Variants in WNK1 observed in about 807,000 individuals in gnomAD.
The protein encoded by WNK1 is WNK lysine deficient protein kinase 1, also known as serine/threonine-protein kinase WNK1.
A neutral mutation model predicts 222.8 loss-of-function variants in WNK1; 38 were observed. The ratio of observed to expected loss-of-function variants is 0.17; its 90% CI spans 0.13 to 0.22. The LOEUF (loss-of-function observed/expected upper bound fraction) is 0.22. WNK1 is among the 10% of genes least tolerant of loss of function. The probability of loss-of-function intolerance (pLI) is 1.00; values close to 1 mark genes in which losing one functional copy is unlikely to be tolerated. For missense variants in WNK1, 2,348 were observed against 2,918.4 expected (o/e 0.80, Z 4.50); for synonymous variants, 1,090 against 1,092.9 (o/e 1.00, Z 0.05).
chr12:787,831 T>TTG (rs141102264), intron 1 of WNK1, among the ~76,000 whole-genome samples: 1 of 152,010 alleles, frequency 6.6e-6, no homozygotes, highest in Non-Finnish European at 1.5e-5. Flanking sequence ...ATGCTTTACA[T>TTG]TGTGTGTGTG....
Position 859,370 on chromosome 12 carries a change from T to C in WNK1, c.1526T>C (p.Ile509Thr), listed in dbSNP as rs34728563. Residue 509 changes from isoleucine to threonine, a missense_variant, in exon 6 of 28, where the codon ATT becomes ACT. Physicochemically the swap from Ile to Thr is moderately conservative, Grantham distance 89. Transcript: ENST00000315939. ...AIKLWLRIED[I>T]KKLKGKYKDN... Reference sequence around the variant, plus strand: ...AAATTATGGCTACGTATTGAAGATATTAAGAAATTAAAGGGAAAATACAAA... The same window carrying C: ...AAATTATGGCTACGTATTGAAGATACTAAGAAATTAAAGGGAAAATACAAA... The C allele has an allele frequency of 2.9e-3, 4,756 of 1,612,272 alleles. 100 individuals carry two copies. The African/African-American group carries it at 0.052, about 18-fold the overall frequency.
chr12:775,319 A>G (rs1363878996), intron 1 of WNK1, among the ~76,000 whole-genome samples: 1 of 152,222 alleles, frequency 6.6e-6, no homozygotes, highest in East Asian at 1.9e-4. Context: ...CTTATCAAGT[A>G]ATAGTCTTTC....
intron 1 of WNK1, among the ~76,000 whole-genome samples, chr12:756,040 A>G (rs915724271): frequency 2.7e-4 from 41 of 152,358 alleles, no homozygotes; most frequent in African/African-American, 9.1e-4. Context: ...ACAGGCAGAA[A>G]TTTACAGGTA....
At chr12:907,510 A>G (rs956779094) in intron 26 of WNK1, among the ~76,000 whole-genome samples, 1 of 152,156 alleles carries the variant, frequency 6.6e-6, no homozygotes, top group Non-Finnish European at 1.5e-5. Flanking sequence ...TCACACCTCC[A>G]TCAGCAACGT....
intron 2 of WNK1, among the ~76,000 whole-genome samples, chr12:822,169 C>G (rs949905001): frequency 7.1e-6 from 1 of 141,506 alleles, no homozygotes; most frequent in Non-Finnish European, 1.5e-5. Flanking sequence ...TCTCAGCTCA[C>G]TGCAACCCCC....
At chr12:893,789 C>T (rs1954492333) in intron 22 of WNK1, among the ~76,000 whole-genome samples, 1 of 137,228 alleles carries the variant, frequency 7.3e-6, no homozygotes, top group Admixed American at 7.6e-5. Flanking sequence ...CACCACTGCA[C>T]TGCAACCTGG....
chr12:889,217 G>A lies in WNK1; in HGVS notation c.5442G>A (p.Ala1814=), dbSNP rs557930357. Residue 1814 remains alanine, a synonymous_variant, in exon 21 of 28, where the codon GCG becomes GCA. Coordinates refer to ENST00000315939, the MANE Select transcript of WNK1 (RefSeq NM_018979.4). The stretch of plus-strand genomic sequence containing the variant: ...CAGAGATGATCACAGTGACTTCTGC[G>A]GTTGGTGTAAGTTTTGAAAATCTTG... ...LSPEMITVTS[A]VGPVSMAAPT... 27 of 1,613,764 alleles carry A rather than the reference G, an allele frequency of 1.7e-5. No homozygotes were observed. Among genetic ancestry groups the A allele is most frequent in the African/African-American group, 1.5e-4 (11 of 74,996 alleles).
At chr12:882,264 T>A in intron 14 of WNK1, among the ~76,000 whole-genome samples, 191 bp downstream of exon 14, 1 of 152,120 alleles carries the variant, frequency 6.6e-6, no homozygotes, top group Admixed American at 6.5e-5. Flanking sequence ...TGGCATGATC[T>A]CTTCTCACTG....
In WNK1 at chr12:885,649, G is replaced by C; in HGVS notation, c.4845G>C (p.Gln1615His). 1 of 1,614,146 alleles carries C rather than the reference G, an allele frequency of 6.2e-7. No individual in the cohort carries two copies. Among genetic ancestry groups the C allele is most frequent in the South Asian group, 1.1e-5 (1 of 91,078 alleles). ...QPVANVPAVQ[Q>H]TLIHSQPQPA... ...TTGCCAATGTGCCTGCTGTACAGCA[G>C]ACACTAATTCATAGTCAGCCTCAAC... The change falls in exon 19 of 28, where the codon CAG (glutamine) becomes CAC (histidine). Residue 1615 changes from glutamine to histidine, a missense_variant. Gln to His is a conservative substitution (Grantham distance 24). This residue lies in a region of WNK1 where 1,144 missense variants were observed against 1,273.6 expected (regional missense o/e 0.90). Coordinates refer to ENST00000315939, the MANE Select transcript of WNK1 (RefSeq NM_018979.4).
rs745722721 is a variant in WNK1, at chr12:885,196, T to C, written c.4392T>C (p.Thr1464=). Residue 1464 remains threonine, a synonymous_variant, in exon 19 of 28, where the codon ACT becomes ACC. Coordinates refer to ENST00000315939, the MANE Select transcript of WNK1 (RefSeq NM_018979.4). ...SATSASAGGS[T]ATPGPKPPAV... Reference sequence around the variant, plus strand: ...CTTCAGCCTCTGCAGGGGGCAGTACTGCTACCCCAGGTCCTAAGCCTCCAG... The same window carrying C: ...CTTCAGCCTCTGCAGGGGGCAGTACCGCTACCCCAGGTCCTAAGCCTCCAG... 5 of 1,614,196 alleles carry C rather than the reference T, an allele frequency of 3.1e-6. No homozygotes were observed. In the Admixed American group the frequency reaches 6.7e-5, roughly 22 times the overall value.
intron 6 of WNK1, among the ~76,000 whole-genome samples, chr12:859,998 G>C (rs1176916305): frequency 6.6e-6 from 1 of 152,086 alleles, no homozygotes; most frequent in Non-Finnish European, 1.5e-5. Flanking sequence ...GTACAGGTGT[G>C]AGCCACTTCG....
intron 1 of WNK1, among the ~76,000 whole-genome samples, chr12:769,399 T>C (rs906116885): frequency 6.6e-6 from 1 of 152,144 alleles, no homozygotes; most frequent in Non-Finnish European, 1.5e-5. Flanking sequence ...GGTTTTGCCA[T>C]GTTGGCCAGG....
In WNK1 at chr12:753,784, C is replaced by T; in HGVS notation, c.219C>T (p.Thr73=). 6.2e-7 allele frequency: 1 copy of T among 1,612,596 alleles called. No homozygotes were observed. The highest frequency in any genetic ancestry group is 8.5e-7 in the Non-Finnish European group (1 of 1,179,958). The change falls in exon 1 of 28, where the codon ACC becomes ACT. Residue 73 remains threonine, a synonymous_variant. Coordinates refer to ENST00000315939, the MANE Select transcript of WNK1 (RefSeq NM_018979.4). This position sits in a 1 kb window ranked among gnomAD's most constrained non-coding sequence, Gnocchi z 5.2. ...KDSRGAAATT[T]TTEHRFFRRS... ...GCCGTGGGGCGGCCGCGACCACTAC[C>T]ACCACTGAGCACCGCTTCTTCCGCC... is the stretch of plus-strand genomic sequence containing the variant.
chr12:868,826 G>A (rs762461472), intron 8 of WNK1: 3 of 1,613,910 alleles, frequency 1.9e-6, no homozygotes, highest in East Asian at 2.2e-5. Flanking sequence ...GACCGTTTCT[G>A]TGGTAGAGCC....
At chr12:906,726 C>T in intron 26 of WNK1, 1 of 985,266 alleles carries the variant, frequency 1.0e-6, no homozygotes, top group Non-Finnish European at 1.2e-6. Flanking sequence ...TGCTACTTCT[C>T]TTATTACCTC....
intron 9 of WNK1, among the ~76,000 whole-genome samples, chr12:876,638 C>G (rs570188606): frequency 6.6e-6 from 1 of 152,020 alleles, no homozygotes; most frequent in African/African-American, 2.4e-5. Context: ...CAGCAGTAAC[C>G]AATTAGTCGT....
chr12:883,420 TAGAG>T lies in WNK1; in HGVS notation c.3522_3525del (p.Arg1174SerfsTer66). 6.2e-7 allele frequency: 1 copy of T among 1,613,996 alleles called. No individual in the cohort carries two copies. Among genetic ancestry groups the T allele is most frequent in the Non-Finnish European group, 8.5e-7 (1 of 1,179,898 alleles). ...GTGAACAATGACTTTATTCTAGCAA[TAGAG>T]AGAGAGTCGTTTGTGGATCAAGTGC... is the stretch of plus-strand genomic sequence containing the variant. On this transcript the variant is annotated frameshift_variant, in exon 16 of 28. Coordinates refer to ENST00000315939, the MANE Select transcript of WNK1 (RefSeq NM_018979.4). LOFTEE classifies it high-confidence loss of function.
chr12:895,950 G>A, intron 23 of WNK1, 121 bp from the exon 24 acceptor site: 1 of 1,344,356 alleles, frequency 7.4e-7, no homozygotes. Flanking sequence ...TATGTAAAGA[G>A]ACAATCAGCC....
intron 26 of WNK1, among the ~76,000 whole-genome samples, chr12:907,024 T>TAAAA (rs67823034): frequency 0.017 from 824 of 47,428 alleles, 71 homozygotes; most frequent in South Asian, 0.11. Context: ...ACCCTTCCTT[T>TAAAA]AAAAAAAAAA....
Sources: allele counts gnomAD v4.1 joint callset (sites outside exome capture counted in the v4.1 genomes callset), GRCh38; gene constraint gnomAD v4.1.1; regional missense constraint gnomAD v4.1.1; non-coding constraint Gnocchi (gnomAD v3.1); transcripts MANE v1.5; gene names NCBI Gene and HGNC (gene_info 2026-07-23, HGNC 2026-07-21).